The following SORCS2 variants were observed in gnomAD, a reference collection of about 807,000 sequenced individuals.
SORCS2 encodes the protein VPS10 domain-containing receptor SorCS2.
Under a neutral mutation model 141.6 loss-of-function variants are expected in SORCS2, and 100 were observed. The observed-to-expected ratio is 0.71, with a 90% CI of 0.60 to 0.83. The LOEUF (loss-of-function observed/expected upper bound fraction) is 0.83. SORCS2 is among the 40% of genes least tolerant of loss of function. The pLI is 0.00. For missense variants in SORCS2, 1,646 were observed against 1,560.2 expected, an observed-to-expected ratio of 1.05 and a Z score of -0.93; for synonymous variants, 789 against 676.9, an observed-to-expected ratio of 1.17 and a Z score of -2.57.
intron 3 of SORCS2, among the ~76,000 whole-genome samples, chr4:7,624,694 A>T (rs527819764): frequency 6.6e-6 from 1 of 152,384 alleles, no homozygotes; most frequent in East Asian, 1.9e-4. Context: ...CCAACCGTAC[A>T]TAGTTAATGC....
chr4:7,428,968 A>G (rs1356680260), intron 2 of SORCS2, among the ~76,000 whole-genome samples: 1 of 152,144 alleles, frequency 6.6e-6, no homozygotes, highest in Non-Finnish European at 1.5e-5. Flanking sequence ...TATGTCCACT[A>G]GCAGGATTAG....
At chr4:7,230,805 C>T (rs569315785) in intron 1 of SORCS2, among the ~76,000 whole-genome samples, 15 of 150,242 alleles carry the variant, frequency 1.0e-4, no homozygotes, top group East Asian at 3.9e-4. Context: ...GTAAAGTCTT[C>T]GAGTGTCTGG....
intron 1 of SORCS2, among the ~76,000 whole-genome samples, chr4:7,320,022 G>T (rs1718799839): frequency 6.6e-6 from 1 of 152,148 alleles, no homozygotes; most frequent in Admixed American, 6.5e-5. Flanking sequence ...GACAGGAAGG[G>T]CCAGGCATGG....
chr4:7,303,017 C>A (rs1368651118), intron 1 of SORCS2, among the ~76,000 whole-genome samples: 1 of 152,190 alleles, frequency 6.6e-6, no homozygotes, highest in East Asian at 1.9e-4. Context: ...CTCTGCGCCC[C>A]TGGGGTGCTG....
intron 2 of SORCS2, among the ~76,000 whole-genome samples, chr4:7,477,523 C>T (rs1236089916): frequency 6.6e-6 from 1 of 152,204 alleles, no homozygotes; most frequent in Non-Finnish European, 1.5e-5. Flanking sequence ...AGATCCAGTG[C>T]TCTTCAAGCC....
intron 2 of SORCS2, among the ~76,000 whole-genome samples, chr4:7,483,649 C>T (rs999392892): frequency 1.6e-4 from 25 of 151,920 alleles, no homozygotes; most frequent in Admixed American, 1.6e-3. Context: ...CAGCAATGCC[C>T]ACGTGTCTTC....
chr4:7,715,084 G>C, intron 16 of SORCS2, 99 bp from the exon 17 acceptor site: 2 of 1,525,422 alleles, frequency 1.3e-6, no homozygotes, highest in South Asian at 1.2e-5. Flanking sequence ...CCCTTGACAT[G>C]AGGTTCCCTT....
chr4:7,676,824 T>TCTCTCTCTCTCTCTCCCC (rs765132758), intron 9 of SORCS2, among the ~76,000 whole-genome samples: 4 of 49,078 alleles, frequency 8.2e-5, no homozygotes, highest in African/African-American at 2.7e-4. Flanking sequence ...TCTCTCTCTC[T>TCTCTCTCTCTCTCTCCCC]CTCTCCCTCT....
chr4:7,646,932 G>A (rs1721121236), intron 4 of SORCS2, among the ~76,000 whole-genome samples: 1 of 152,172 alleles, frequency 6.6e-6, no homozygotes, highest in Admixed American at 6.5e-5. Flanking sequence ...TCCTGTTGGT[G>A]GAGTGTGACT....
chr4:7,425,179 C>T (rs1007583073), intron 2 of SORCS2, among the ~76,000 whole-genome samples: 5 of 152,340 alleles, frequency 3.3e-5, no homozygotes, highest in Middle Eastern at 3.4e-3. Context: ...GCACACCACG[C>T]AGGAGCCTCC....
intron 2 of SORCS2, among the ~76,000 whole-genome samples, chr4:7,421,244 C>G (rs112239859): frequency 6.6e-6 from 1 of 152,198 alleles, no homozygotes; most frequent in Non-Finnish European, 1.5e-5. Context: ...CCACGCCATG[C>G]GTTTCCCACG....
chr4:7,565,816 GATGGCA>G (rs1714939129), intron 3 of SORCS2, among the ~76,000 whole-genome samples: 1 of 129,960 alleles, frequency 7.7e-6, no homozygotes, highest in Non-Finnish European at 1.7e-5. Context: ...ATGATGTGAT[GATGGCA>G]ATGGTGATGA....
intron 23 of SORCS2, 31 bp from the exon 24 acceptor site, chr4:7,733,291 G>T: frequency 4.7e-6 from 7 of 1,495,720 alleles, no homozygotes; most frequent in Non-Finnish European, 6.3e-6. Flanking sequence ...CTCCATGGAG[G>T]CCTCACTCAC....
chr4:7,453,687 T>TG (rs1728655329), intron 2 of SORCS2, among the ~76,000 whole-genome samples: 1 of 135,962 alleles, frequency 7.4e-6, no homozygotes. Flanking sequence ...AGGTGCTGTG[T>TG]TGGGGTCAGG....
intron 3 of SORCS2, among the ~76,000 whole-genome samples, chr4:7,597,385 C>A (rs1288227140): frequency 7.5e-6 from 1 of 133,806 alleles, no homozygotes; most frequent in Admixed American, 8.4e-5. Flanking sequence ...ATAGGAGAGG[C>A]TGTGCAATAG....
In SORCS2 at chr4:7,555,641, A is replaced by T. The variant is rs146170619; in HGVS notation, c.648+24012A>T. The stretch of plus-strand genomic sequence containing the variant: ...CCCTGAGGGAAACTGACGTTGATTT[A>T]AAAAAATGCATCAAATTGCAAACCT... On this transcript the variant is annotated intron_variant, in intron 3 of 26. Transcript: ENST00000507866. Among the ~76,000 whole-genome samples the T allele has an allele frequency of 4.3e-3, 660 of 152,334 alleles. 4 individuals are homozygous for T. The highest frequency in any genetic ancestry group is 4.7e-3 in the Non-Finnish European group (323 of 68,024).
chr4:7,586,644 G>A (rs1045572799), intron 3 of SORCS2, among the ~76,000 whole-genome samples: 17 of 152,126 alleles, frequency 1.1e-4, no homozygotes, highest in East Asian at 3.9e-4. Flanking sequence ...TCCGTGTCCC[G>A]GCAAAGGACA....
chr4:7,276,449 C>G (rs1034275818), intron 1 of SORCS2, among the ~76,000 whole-genome samples: 2 of 152,154 alleles, frequency 1.3e-5, no homozygotes, highest in Non-Finnish European at 2.9e-5. Flanking sequence ...TCAGTCTGTT[C>G]TGTTCAGCCC....
chr4:7,344,672 C>G (rs1168716516), intron 1 of SORCS2, among the ~76,000 whole-genome samples: 1 of 152,136 alleles, frequency 6.6e-6, no homozygotes, highest in Admixed American at 6.5e-5. Flanking sequence ...CCAGCCGAGT[C>G]CTCCCACACT....
Sources: allele counts gnomAD v4.1 joint callset (sites outside exome capture counted in the v4.1 genomes callset), GRCh38; gene constraint gnomAD v4.1.1; transcripts MANE v1.5; gene names NCBI Gene and HGNC (gene_info 2026-07-23, HGNC 2026-07-21).